Variants in DNAH3 observed in about 807,000 individuals in gnomAD.
DNAH3 encodes dynein axonemal heavy chain 3, also known as axonemal beta dynein heavy chain 3.
In DNAH3, 332 loss-of-function variants were observed where a neutral mutation model predicts 432.5. The observed-to-expected ratio is 0.77, with a 90% confidence interval of 0.70 to 0.84. DNAH3 has a LOEUF of 0.84. DNAH3 is among the 40% of genes least tolerant of loss of function. The pLI is 0.00. For missense variants in DNAH3, 4,861 were observed against 5,114.0 expected (o/e 0.95, Z 1.51); for synonymous variants, 1,956 against 1,900.2 (o/e 1.03, Z -0.76).
intron 27 of DNAH3, 83 bp downstream of exon 27, chr16:21,058,003 A>T: frequency 1.1e-6 from 1 of 882,528 alleles, no homozygotes; most frequent in Non-Finnish European, 1.9e-6. Context: ...TAGACAACAA[A>T]ACATGGCTAC....
chr16:21,090,612 C>T (rs1256555201), intron 18 of DNAH3, among the ~76,000 whole-genome samples: 2 of 152,126 alleles, frequency 1.3e-5, no homozygotes, highest in Admixed American at 6.5e-5. Flanking sequence ...AACTGGAGGA[C>T]ATTATGCTAA....
At chr16:20,989,871 A>ACCC (rs1567597916) in intron 44 of DNAH3, among the ~76,000 whole-genome samples, 2 of 152,218 alleles carry the variant, frequency 1.3e-5, no homozygotes, top group Non-Finnish European at 2.9e-5. Context: ...CACCCTCCGC[A>ACCC]GCCGCTGGCC....
At chr16:21,038,489 C>T (rs975221050) in intron 33 of DNAH3, among the ~76,000 whole-genome samples, 1 of 152,140 alleles carries the variant, frequency 6.6e-6, no homozygotes, top group Non-Finnish European at 1.5e-5. Context: ...CTACACTCCA[C>T]TTTGGATTTT....
Position 20,952,431 on chromosome 16 carries a change from ACCTGT to A in DNAH3, c.11185_11188+1del. The A allele has an allele frequency of 1.3e-6, 2 of 1,585,382 alleles. No homozygotes were observed. The highest frequency in any genetic ancestry group is 1.7e-6 in the Non-Finnish European group (2 of 1,154,252). On this transcript the variant is annotated splice_donor_variant and coding_sequence_variant, in exon 56 of 62. Coordinates refer to ENST00000261383, the Ensembl canonical transcript of DNAH3. LOFTEE classifies it high-confidence loss of function. Reference sequence around the variant, plus strand: ...CAGTGGAAAAACTCCTCCCGTAAATACCTGTCAGGTAGGTCAGAGCATCAAAGGGC... The same window carrying A: ...CAGTGGAAAAACTCCTCCCGTAAATACAGGTAGGTCAGAGCATCAAAGGGC...
chr16:21,154,186 C>T (rs2092883853), intron 1 of DNAH3, among the ~76,000 whole-genome samples: 1 of 152,236 alleles, frequency 6.6e-6, no homozygotes, highest in Non-Finnish European at 1.5e-5. Flanking sequence ...AGTGGATCGC[C>T]TGAGGTCAGG....
At chr16:21,120,632 A>G (rs904472589) in intron 11 of DNAH3, 5 of 845,022 alleles carry the variant, frequency 5.9e-6, no homozygotes, top group Middle Eastern at 2.2e-4. Context: ...GTTTTTCCTT[A>G]TTGTCTCGTA....
At chr16:20,945,097 G>C (rs1056157983) in intron 57 of DNAH3, among the ~76,000 whole-genome samples, 14 of 152,192 alleles carry the variant, frequency 9.2e-5, no homozygotes, top group Admixed American at 7.9e-4. Flanking sequence ...TGAGACAGGA[G>C]TCAGCACAAG....
chr16:20,941,213 A>AG (rs1246243341), intron 59 of DNAH3, among the ~76,000 whole-genome samples, 188 bp downstream of exon 59: 2 of 152,232 alleles, frequency 1.3e-5, no homozygotes, highest in Non-Finnish European at 2.9e-5. Context: ...ATGAATGAAT[A>AG]GAAGGAATGA....
chr16:20,947,696 T>C (rs745660363), intron 57 of DNAH3, among the ~76,000 whole-genome samples: 5 of 152,216 alleles, frequency 3.3e-5, no homozygotes, highest in Non-Finnish European at 7.3e-5. Context: ...GTGGTGGTGG[T>C]TGTGGTGAGA....
chr16:21,137,463 C>T (rs953727692), intron 5 of DNAH3, among the ~76,000 whole-genome samples: 1 of 149,844 alleles, frequency 6.7e-6, no homozygotes, highest in African/African-American at 2.5e-5. Context: ...ACTTTTGTCG[C>T]TCAGGCTGGA....
intron 24 of DNAH3, among the ~76,000 whole-genome samples, chr16:21,065,667 G>A (rs1179398859): frequency 1.3e-5 from 2 of 152,084 alleles, no homozygotes; most frequent in African/African-American, 4.8e-5. Context: ...TTAAAAATTG[G>A]CTTCCTCAGT....
Position 21,117,346 on chromosome 16 carries a change from A to G in DNAH3, c.1700-29T>C. ...GGAACAGGACAGATTCCACCTGAAG[A>G]GTAAACACCACTTTTGCATGTTGCA... On this transcript the variant is annotated intron_variant, in intron 11 of 61. Transcript: ENST00000261383. 3 of 1,461,906 alleles carry G rather than the reference A, an allele frequency of 2.1e-6. No homozygotes were observed. The highest frequency in any genetic ancestry group is 2.9e-6 in the Non-Finnish European group (3 of 1,045,500). The allele number at this position is 1,461,906 out of a possible 1,614,324, so 90.6% of individuals were successfully genotyped here.
At chr16:21,080,662 G>A (rs1315147755) in intron 20 of DNAH3, among the ~76,000 whole-genome samples, 1 of 152,146 alleles carries the variant, frequency 6.6e-6, no homozygotes, top group African/African-American at 2.4e-5. Context: ...GGTTGGGTGG[G>A]GCCTGAAAAC....
intron 7 of DNAH3, among the ~76,000 whole-genome samples, chr16:21,132,975 C>A (rs1170233960): frequency 6.7e-6 from 1 of 148,472 alleles, no homozygotes; most frequent in Non-Finnish European, 1.5e-5. Flanking sequence ...TTTTTTGAGA[C>A]GGAGTTTCGC....
intron 18 of DNAH3, among the ~76,000 whole-genome samples, chr16:21,090,214 A>C (rs2091490180): frequency 6.6e-6 from 1 of 152,066 alleles, no homozygotes; most frequent in African/African-American, 2.4e-5. Flanking sequence ...AAACTTCAGA[A>C]TCAGATGGTT....
chr16:21,122,276 T>G (rs2092359592), intron 9 of DNAH3, 152 bp from the exon 11 acceptor site: 1 of 635,198 alleles, frequency 1.6e-6, no homozygotes, highest in Admixed American at 3.3e-5. Flanking sequence ...GGGCTGGGGC[T>G]GGGCACCGTG....
chr16:21,086,928 T>G, exon 19 of DNAH3: 1 of 1,614,206 alleles, frequency 6.2e-7, no homozygotes, highest in Non-Finnish European at 8.5e-7. Flanking sequence ...CTTATCGATC[T>G]TGATCTTCAC....
intron 1 of DNAH3, among the ~76,000 whole-genome samples, chr16:21,153,759 ACACT>A (rs1158374764): frequency 6.6e-6 from 1 of 152,098 alleles, no homozygotes; most frequent in Non-Finnish European, 1.5e-5. Flanking sequence ...AAGAGCTGTA[ACACT>A]CACCGCGAGG....
intron 1 of DNAH3, among the ~76,000 whole-genome samples, chr16:21,148,356 GAGAAGA>G (rs1323153606): frequency 2.6e-5 from 4 of 152,090 alleles, no homozygotes; most frequent in African/African-American, 9.7e-5. Context: ...AAATGAGGGT[GAGAAGA>G]TAGGTAACAC....
Sources: allele counts gnomAD v4.1 joint callset (sites outside exome capture counted in the v4.1 genomes callset), GRCh38; gene constraint gnomAD v4.1.1; transcripts MANE v1.5; gene names NCBI Gene and HGNC (gene_info 2026-07-23, HGNC 2026-07-21).